FAM162B: variants seen among roughly 807,000 people sequenced by gnomAD.
FAM162B encodes family with sequence similarity 162 member B.
In FAM162B, 16 loss-of-function variants were observed where a neutral mutation model predicts 20.0. The ratio of observed to expected loss-of-function variants is 0.80; its 90% CI spans 0.54 to 1.21. The LOEUF is 1.21. Among genes scored for constraint, FAM162B ranks in the 50% most tolerant of loss-of-function variants. FAM162B has a pLI of 0.00. For synonymous variants in FAM162B, 83 were observed against 89.7 expected (o/e 0.93, Z 0.42); for missense variants, 260 against 227.5 (o/e 1.14, Z -0.92).
chr6:116,762,051 G>C lies in FAM162B; in HGVS notation c.316C>G (p.Arg106Gly). 1.9e-6 allele frequency: 3 copies of C among 1,595,210 alleles called. No individual in the cohort carries two copies. Among genetic ancestry groups the C allele is most frequent in the African/African-American group, 1.3e-5 (1 of 74,846 alleles). ...ATCATTATGTAACAAGCTTTCACTC[G>C]AGCTTTGTTTCTTGCGGTGTCTATC... The part of the protein sequence containing the change: ...EMIDTARNKA[R>G]VKACYIMIGL... Residue 106 changes from arginine to glycine, a missense_variant, in exon 3 of 4, where the codon CGA becomes GGA. Arg to Gly is a moderately radical substitution (Grantham distance 125). Transcript: ENST00000368557.
intron 3 of FAM162B, among the ~76,000 whole-genome samples, chr6:116,759,295 C>CT (rs1189230762): frequency 1.6e-3 from 228 of 141,542 alleles, no homozygotes; most frequent in African/African-American, 5.9e-3. Context: ...TCTAATCTTT[C>CT]TTTCTTTTTT....
chr6:116,761,770 C>T lies in FAM162B; in HGVS notation c.390+207G>A, dbSNP rs187535063. Among the ~76,000 whole-genome samples the T allele has an allele frequency of 1.9e-3, 280 of 148,880 alleles. 1 individual carries two copies. The highest frequency in any genetic ancestry group is 3.4e-3 in the Non-Finnish European group (230 of 67,332). ...CACACACACATATATATATATATGA[C>T]TTCAAGTCTCAAAGACAAAATTGTT... On this transcript the variant is annotated intron_variant, in intron 3 of 3. Transcript: ENST00000368557.
Position 116,761,755 on chromosome 6 carries a change from T to C in FAM162B, c.390+222A>G, listed in dbSNP as rs73765851. Among the ~76,000 whole-genome samples, 15,228 of 131,658 alleles carry C rather than the reference T, an allele frequency of 0.12. 846 individuals are homozygous for C. Among genetic ancestry groups the C allele is most frequent in the Admixed American group, 0.17 (2,246 of 13,156 alleles). 86.4% of individuals were successfully genotyped at this position (131,658 alleles called of 152,430 possible). On this transcript the variant is annotated intron_variant, in intron 3 of 3. Coordinates refer to ENST00000368557, the MANE Select transcript of FAM162B (RefSeq NM_001085480.3). Reference sequence around the variant, plus strand: ...ATATACACACACACACACACACACATATATATATATATGACTTCAAGTCTC... The same window carrying C: ...ATATACACACACACACACACACACACATATATATATATGACTTCAAGTCTC...
chr6:116,761,702 T>A (rs369707064), intron 3 of FAM162B, among the ~76,000 whole-genome samples: 2 of 143,182 alleles, frequency 1.4e-5, no homozygotes, highest in Admixed American at 7.1e-5. Context: ...ATATAAATAC[T>A]TATATATATA....
chr6:116,757,157 T>C (rs1029814203), intron 3 of FAM162B, among the ~76,000 whole-genome samples: 4 of 152,216 alleles, frequency 2.6e-5, no homozygotes, highest in African/African-American at 9.6e-5. Context: ...AAGAAATTAC[T>C]GGGCATATTT....
intron 3 of FAM162B, among the ~76,000 whole-genome samples, chr6:116,753,016 A>G (rs1337787592): frequency 2.6e-5 from 4 of 152,090 alleles, no homozygotes; most frequent in African/African-American, 9.7e-5. Context: ...TTTAATATAT[A>G]TTGAAGGATA....
chr6:116,756,069 T>A (rs1217771368), intron 3 of FAM162B, among the ~76,000 whole-genome samples: 1 of 152,196 alleles, frequency 6.6e-6, no homozygotes, highest in Non-Finnish European at 1.5e-5. Flanking sequence ...AACTTTCAAG[T>A]CTTGTTATTT....
At chr6:116,755,675 C>T (rs2114547529) in intron 3 of FAM162B, among the ~76,000 whole-genome samples, 1 of 152,226 alleles carries the variant, frequency 6.6e-6, no homozygotes, top group African/African-American at 2.4e-5. Context: ...AAGTCAATGC[C>T]TGGTTTTAAA....
chr6:116,752,732 A>ATT, intron 3 of FAM162B, 37 bp from the exon 4 acceptor site: 1 of 539,892 alleles, frequency 1.9e-6, no homozygotes, highest in Non-Finnish European at 2.6e-6. Flanking sequence ...ATATATATAT[A>ATT]TAGATACACG....
intron 3 of FAM162B, 121 bp downstream of exon 3, chr6:116,761,856 A>G (rs1562468900): frequency 1.6e-6 from 1 of 614,148 alleles, no homozygotes. Flanking sequence ...ATTTCTTAAA[A>G]TTCACCCTTT....
At chr6:116,757,616 A>G (rs1215375438) in intron 3 of FAM162B, among the ~76,000 whole-genome samples, 3 of 152,020 alleles carry the variant, frequency 2.0e-5, no homozygotes, top group African/African-American at 7.2e-5. Context: ...CGGCATGGTC[A>G]TTGACACCTG....
Position 116,759,909 on chromosome 6 carries a change from T to C in FAM162B, c.390+2068A>G, listed in dbSNP as rs543021323. ...CCCGGTCTTCTCATGGCTAGCTTAT[T>C]CTCATCCTCCTCAGAGAGGACGTCC... On this transcript the variant is annotated intron_variant, in intron 3 of 3. Transcript: ENST00000368557. Among the ~76,000 whole-genome samples, 4 of 152,300 alleles carry C rather than the reference T, an allele frequency of 2.6e-5. No individual in the cohort carries two copies. In the South Asian group the frequency reaches 8.3e-4, roughly 32 times the overall value.
chr6:116,755,331 C>A (rs1780040572), intron 3 of FAM162B, among the ~76,000 whole-genome samples: 1 of 152,134 alleles, frequency 6.6e-6, no homozygotes, highest in Non-Finnish European at 1.5e-5. Flanking sequence ...AAGATCAAAC[C>A]AGCCACAGCA....
intron 3 of FAM162B, among the ~76,000 whole-genome samples, chr6:116,761,747 CACACACAT>C (rs1337743259): frequency 2.0e-5 from 3 of 147,254 alleles, no homozygotes; most frequent in South Asian, 2.1e-4. Context: ...CACACACACA[CACACACAT>C]ATATATATAT....
chr6:116,755,987 C>G (rs942191821), intron 3 of FAM162B, among the ~76,000 whole-genome samples: 9 of 152,078 alleles, frequency 5.9e-5, no homozygotes, highest in African/African-American at 2.2e-4. Context: ...TGGATATTTA[C>G]AAGGAGATTA....
intron 1 of FAM162B, 70 bp downstream of exon 1, chr6:116,765,335 G>T: frequency 6.5e-7 from 1 of 1,546,524 alleles, no homozygotes. Context: ...GCCGACTCCC[G>T]GGCCGGCCCC....
intron 3 of FAM162B, among the ~76,000 whole-genome samples, chr6:116,755,071 A>G (rs1343848455): frequency 6.6e-6 from 1 of 152,160 alleles, no homozygotes; most frequent in Non-Finnish European, 1.5e-5. Flanking sequence ...TAACCCTATA[A>G]TGGCCTCTAC....
intron 3 of FAM162B, among the ~76,000 whole-genome samples, chr6:116,759,416 G>A (rs1231888328): frequency 1.6e-5 from 2 of 121,288 alleles, no homozygotes; most frequent in African/African-American, 5.7e-5. Context: ...ATTCTCCTGC[G>A]TAGCCTCCCG....
At chr6:116,759,159 T>C (rs2114550096) in intron 3 of FAM162B, among the ~76,000 whole-genome samples, 1 of 152,288 alleles carries the variant, frequency 6.6e-6, no homozygotes, top group South Asian at 2.1e-4. Flanking sequence ...TCTTAGGTTA[T>C]ACCTTCTCTT....
Sources: gnomAD v4.1 joint callset for allele counts (sites outside exome capture counted in the v4.1 genomes callset) on GRCh38, gnomAD v4.1.1 for gene constraint, MANE v1.5 for transcripts, NCBI Gene and HGNC (gene_info 2026-07-23, HGNC 2026-07-21) for gene names.